The following MEMO1 variants were observed in gnomAD, a reference collection of about 807,000 sequenced individuals.
MEMO1 encodes the protein mediator of cell motility 1, also known as protein MEMO1.
MEMO1 carries 6 observed loss-of-function variants against 45.2 expected under a neutral mutation model. That is an observed-to-expected ratio of 0.13 (90% CI 0.07 to 0.26). The LOEUF (loss-of-function observed/expected upper bound fraction) is 0.26, where lower values mean the gene tolerates loss of function less well. Ranked by LOEUF, MEMO1 falls within the 10% of genes least tolerant of loss-of-function variation. The pLI is 1.00. For synonymous variants in MEMO1, 78 were observed against 124.3 expected (o/e 0.63, Z 2.48); for missense variants, 184 against 370.5 (o/e 0.50, Z 4.13).
At chr2:31,966,706 C>A (rs1388273190) in intron 2 of MEMO1, among the ~76,000 whole-genome samples, 1 of 118,506 alleles carries the variant, frequency 8.4e-6, no homozygotes, top group Non-Finnish European at 1.7e-5. Context: ...GCACTCCAGC[C>A]TGGGTAACAG....
chr2:31,996,365 T>C (rs1672616017), intron 2 of MEMO1, among the ~76,000 whole-genome samples: 1 of 151,976 alleles, frequency 6.6e-6, no homozygotes, highest in East Asian at 1.9e-4. Context: ...CTGGACAACA[T>C]GGTGAAACCC....
chr2:32,006,352 G>A (rs1674066806), intron 2 of MEMO1, among the ~76,000 whole-genome samples: 1 of 152,124 alleles, frequency 6.6e-6, no homozygotes, highest in Non-Finnish European at 1.5e-5. Context: ...GGATGAAAGC[G>A]GTAGCAAATC....
At chr2:31,934,208 C>G (rs1342065578) in intron 3 of MEMO1, among the ~76,000 whole-genome samples, 3 of 152,124 alleles carry the variant, frequency 2.0e-5, no homozygotes, top group Non-Finnish European at 4.4e-5. Flanking sequence ...ATCCTTACAC[C>G]TTAAACTGCT....
chr2:32,003,567 C>T (rs1041275828), intron 2 of MEMO1, among the ~76,000 whole-genome samples: 4 of 152,162 alleles, frequency 2.6e-5, no homozygotes, highest in Non-Finnish European at 5.9e-5. Flanking sequence ...TAATGTCCTG[C>T]TACTTCACAA....
chr2:31,948,673 T>C (rs1417206257), intron 2 of MEMO1, among the ~76,000 whole-genome samples: 1 of 152,056 alleles, frequency 6.6e-6, no homozygotes, highest in East Asian at 1.9e-4. Context: ...CCAAAGCGGG[T>C]AGATCATTTG....
At chr2:31,912,582 T>G (rs937095812) in intron 6 of MEMO1, among the ~76,000 whole-genome samples, 1 of 149,184 alleles carries the variant, frequency 6.7e-6, no homozygotes, top group African/African-American at 2.5e-5. Context: ...AAAGATAATA[T>G]ATGGTGACAT....
intron 3 of MEMO1, among the ~76,000 whole-genome samples, chr2:31,936,083 C>G (rs1201459251): frequency 6.6e-6 from 1 of 152,098 alleles, no homozygotes; most frequent in African/African-American, 2.4e-5. Flanking sequence ...CCTGCCTCAG[C>G]CTCCCGAGTA....
At position 31,963,084 on chromosome 2, in the gene MEMO1, T is replaced by C. The variant is rs535352485; in HGVS notation, c.62-19701A>G. 603 of 1,389,752 alleles carry C rather than the reference T, an allele frequency of 4.3e-4. 1 individual carries two copies. Among genetic ancestry groups the C allele is most frequent in the Non-Finnish European group, 1.5e-4 (161 of 1,055,046 alleles). 86.1% of individuals were successfully genotyped at this position (1,389,752 alleles called of 1,614,324 possible). A position where few individuals can be genotyped will look rare whatever the true frequency, so the allele number is the denominator to read the frequency against. On this transcript the variant is annotated intron_variant, in intron 2 of 9. Coordinates refer to ENST00000404530, the MANE Select transcript of MEMO1 (RefSeq NM_001301833.4). ...AACTGAAATACTGGCTCTTCCTAAG[T>C]CTTGAGTCAACCAACCCATCCTCAG...
chr2:31,965,030 A>G (rs374730775), intron 2 of MEMO1, among the ~76,000 whole-genome samples: 2 of 152,082 alleles, frequency 1.3e-5, no homozygotes, highest in East Asian at 1.9e-4. Context: ...TCTGGCCAAC[A>G]TAATGAAACC....
chr2:31,907,046 T>A (rs1679860023), intron 6 of MEMO1, among the ~76,000 whole-genome samples: 1 of 152,206 alleles, frequency 6.6e-6, no homozygotes, highest in Admixed American at 6.5e-5. Context: ...CTATTAAAAA[T>A]AAGCTCTGGG....
chr2:31,895,615 AAAC>A (rs1677654523), intron 6 of MEMO1, among the ~76,000 whole-genome samples: 1 of 152,168 alleles, frequency 6.6e-6, no homozygotes, highest in Admixed American at 6.5e-5. Flanking sequence ...GGAGACTTGT[AAAC>A]AACATCAAGC....
chr2:31,894,419 G>A (rs1677426485), intron 6 of MEMO1, among the ~76,000 whole-genome samples: 1 of 152,194 alleles, frequency 6.6e-6, no homozygotes, highest in Admixed American at 6.5e-5. Flanking sequence ...TTCTTAGTCC[G>A]AGATTGCTGT....
chr2:31,989,596 T>C (rs1671693776), intron 2 of MEMO1, among the ~76,000 whole-genome samples: 1 of 152,282 alleles, frequency 6.6e-6, no homozygotes, highest in African/African-American at 2.4e-5. Flanking sequence ...GAAAACACAA[T>C]ATGAAAACTT....
At chr2:31,887,862 G>C (rs576513661) in intron 7 of MEMO1, among the ~76,000 whole-genome samples, 1 of 152,174 alleles carries the variant, frequency 6.6e-6, no homozygotes, top group South Asian at 2.1e-4. Context: ...ATACCCAAGA[G>C]ACTGACAGAA....
chr2:31,956,366 G>A (rs191931126), intron 2 of MEMO1, among the ~76,000 whole-genome samples: 3 of 149,996 alleles, frequency 2.0e-5, no homozygotes, highest in Admixed American at 2.0e-4. Flanking sequence ...AGTTTCTTAA[G>A]AGAAAATGAA....
intron 2 of MEMO1, among the ~76,000 whole-genome samples, chr2:31,954,034 T>C (rs1430931051): frequency 6.6e-6 from 1 of 152,230 alleles, no homozygotes; most frequent in Non-Finnish European, 1.5e-5. Context: ...ACTTCTAAGA[T>C]ACTTATTTGC....
At chr2:31,902,195 T>C (rs768950282) in intron 6 of MEMO1, among the ~76,000 whole-genome samples, 2 of 151,980 alleles carry the variant, frequency 1.3e-5, no homozygotes, top group East Asian at 1.9e-4. Flanking sequence ...GGAGGGCGGA[T>C]CACTTAAGGC....
chr2:31,953,487 G>A (rs190364792), intron 2 of MEMO1, among the ~76,000 whole-genome samples: 40 of 146,966 alleles, frequency 2.7e-4, no homozygotes, highest in East Asian at 2.0e-3. Flanking sequence ...ACGGAGTCTC[G>A]CTCTGTCACC....
chr2:31,874,458 C>T (rs1039671675), intron 8 of MEMO1, among the ~76,000 whole-genome samples: 8 of 151,964 alleles, frequency 5.3e-5, no homozygotes, highest in Admixed American at 4.6e-4. Flanking sequence ...TGTTTTTTCA[C>T]ATAATTAATT....
Sources: gnomAD v4.1 joint callset for allele counts (sites outside exome capture counted in the v4.1 genomes callset) on GRCh38, gnomAD v4.1.1 for gene constraint, MANE v1.5 for transcripts, NCBI Gene and HGNC (gene_info 2026-07-23, HGNC 2026-07-21) for gene names.